The following GDA variants were observed in gnomAD, a reference collection of about 807,000 sequenced individuals.
The protein encoded by GDA is guanine deaminase.
A neutral mutation model predicts 59.6 loss-of-function variants in GDA; 18 were observed. The observed-to-expected ratio is 0.30, with a 90% confidence interval of 0.21 to 0.45. The LOEUF (loss-of-function observed/expected upper bound fraction) is 0.45, where lower values mean the gene tolerates loss of function less well. Among genes scored for constraint, GDA ranks in the 20% least tolerant of loss-of-function variants. GDA has a pLI of 1.00. For synonymous variants in GDA, 201 were observed against 201.1 expected (o/e 1.00, Z 0.00); for missense variants, 427 against 552.3 (o/e 0.77, Z 2.27).
chr9:72,131,945 G>A (rs1177318986), intron 1 of GDA, among the ~76,000 whole-genome samples: 2 of 152,194 alleles, frequency 1.3e-5, no homozygotes, highest in Non-Finnish European at 2.9e-5. Context: ...AATCATGACG[G>A]AAGGCAAGAA....
intron 1 of GDA, among the ~76,000 whole-genome samples, chr9:72,181,695 A>C (rs1362501325): frequency 6.6e-6 from 1 of 152,036 alleles, no homozygotes; most frequent in Non-Finnish European, 1.5e-5. Context: ...GATGGAGCAC[A>C]GTGGCGTGAT....
intron 1 of GDA, among the ~76,000 whole-genome samples, chr9:72,154,266 G>A (rs1827622044): frequency 6.6e-6 from 1 of 152,166 alleles, no homozygotes; most frequent in Admixed American, 6.5e-5. Flanking sequence ...CCACAGGTGA[G>A]ACCTAACCTG....
intron 3 of GDA, among the ~76,000 whole-genome samples, chr9:72,207,057 A>C (rs186312339): frequency 9.2e-5 from 14 of 152,024 alleles, no homozygotes; most frequent in African/African-American, 2.9e-4. Flanking sequence ...CTTTCTAGTT[A>C]ATTTTCTGGC....
At chr9:72,141,192 C>A (rs1826429003) in intron 1 of GDA, among the ~76,000 whole-genome samples, 1 of 152,134 alleles carries the variant, frequency 6.6e-6, no homozygotes, top group Non-Finnish European at 1.5e-5. Flanking sequence ...ACAAACCACA[C>A]TTCTAAAAGC....
At chr9:72,210,835 A>G (rs1029877860) in intron 4 of GDA, 61 bp downstream of exon 4, 3 of 1,031,330 alleles carry the variant, frequency 2.9e-6, no homozygotes, top group African/African-American at 3.1e-5. Flanking sequence ...CCATCGTGGC[A>G]AACAACTTAT....
chr9:72,212,133 A>G (rs1298686048), intron 4 of GDA, among the ~76,000 whole-genome samples: 3 of 152,202 alleles, frequency 2.0e-5, no homozygotes, highest in African/African-American at 7.2e-5. Context: ...TAGTGCTGAG[A>G]GCTGCTAGTA....
intron 11 of GDA, 144 bp downstream of exon 11, chr9:72,241,442 G>T: frequency 1.8e-6 from 1 of 559,906 alleles, no homozygotes; most frequent in Non-Finnish European, 3.1e-6. Flanking sequence ...CCAGAACTCA[G>T]CCAGTAAAGT....
chr9:72,164,449 G>C (rs1255740262), intron 1 of GDA, among the ~76,000 whole-genome samples: 1 of 152,188 alleles, frequency 6.6e-6, no homozygotes, highest in Non-Finnish European at 1.5e-5. Flanking sequence ...TCAGCACAGG[G>C]AGAGGGTGGC....
intron 1 of GDA, among the ~76,000 whole-genome samples, chr9:72,169,577 T>A (rs118098450): frequency 6.6e-6 from 1 of 152,336 alleles, no homozygotes; most frequent in East Asian, 1.9e-4. Flanking sequence ...CTTTGCAGGT[T>A]CGTATAAATT....
At chr9:72,131,664 A>C (rs116926027) in intron 1 of GDA, among the ~76,000 whole-genome samples, 12 of 108,224 alleles carry the variant, frequency 1.1e-4, no homozygotes, top group Non-Finnish European at 2.3e-4. Flanking sequence ...CACACACACA[A>C]ACACACACAC....
intron 3 of GDA, among the ~76,000 whole-genome samples, chr9:72,207,459 C>A (rs1834859795): frequency 6.6e-6 from 1 of 152,188 alleles, no homozygotes; most frequent in Admixed American, 6.5e-5. Flanking sequence ...CTGTCCTATT[C>A]ATCAAAGGAT....
At chr9:72,181,383 T>A (rs912255540) in intron 1 of GDA, among the ~76,000 whole-genome samples, 1 of 152,190 alleles carries the variant, frequency 6.6e-6, no homozygotes, top group African/African-American at 2.4e-5. Flanking sequence ...TGGAGTGCAG[T>A]GGCGCGATCT....
chr9:72,126,069 A>C (rs1825836388), intron 1 of GDA, among the ~76,000 whole-genome samples: 1 of 152,116 alleles, frequency 6.6e-6, no homozygotes, highest in South Asian at 2.1e-4. Flanking sequence ...GGCATGTGCC[A>C]CTACACCCGG....
At position 72,252,214 on chromosome 9, in the gene GDA, T is replaced by G. The variant is rs1028064197; in HGVS notation, c.*3872T>G. On this transcript the variant is annotated 3_prime_UTR_variant, in exon 14 of 14. Coordinates refer to ENST00000358399, the MANE Select transcript of GDA (RefSeq NM_004293.5). ...TCAGACAAAAATAAATGAGACTTTG[T>G]GTTTACGTTATTTTTTGTTGTGAGT... 5.2e-5 allele frequency: 8 copies of G among 152,618 alleles called. No individual in the cohort carries two copies. The highest frequency in any genetic ancestry group is 2.9e-5 in the Non-Finnish European group (2 of 68,036). The allele number at this position is 152,618 out of a possible 1,614,324, so 9.5% of individuals were successfully genotyped here. A position where few individuals can be genotyped will look rare whatever the true frequency, so the allele number is the denominator to read the frequency against.
At chr9:72,208,393 A>G (rs1251316629) in intron 3 of GDA, among the ~76,000 whole-genome samples, 1 of 152,242 alleles carries the variant, frequency 6.6e-6, no homozygotes, top group East Asian at 1.9e-4. Context: ...AGCTTCTGCT[A>G]AAGATATGCC....
chr9:72,138,569 CGCTGTTTCCATA>C (rs751017443), intron 1 of GDA, among the ~76,000 whole-genome samples: 2 of 152,200 alleles, frequency 1.3e-5, no homozygotes, highest in Non-Finnish European at 2.9e-5. Flanking sequence ...CTGCATTAAA[CGCTGTTTCCATA>C]GCAGTAAAGG....
intron 1 of GDA, among the ~76,000 whole-genome samples, chr9:72,155,103 C>T (rs1034467716): frequency 1.3e-5 from 2 of 152,148 alleles, no homozygotes; most frequent in African/African-American, 2.4e-5. Context: ...AGTCAATTTT[C>T]ACATTGGTGA....
intron 1 of GDA, among the ~76,000 whole-genome samples, chr9:72,142,497 C>T (rs1324003315): frequency 2.0e-5 from 3 of 150,856 alleles, no homozygotes; most frequent in East Asian, 4.0e-4. Context: ...GGTGTGAACT[C>T]GGGAGGCAGA....
chr9:72,115,624 G>A (rs1343319504), intron 1 of GDA, among the ~76,000 whole-genome samples: 1 of 152,216 alleles, frequency 6.6e-6, no homozygotes, highest in African/African-American at 2.4e-5. Context: ...GTATTTCCAA[G>A]TCAAGATTCA....
Sources: gnomAD v4.1 joint callset for allele counts (sites outside exome capture counted in the v4.1 genomes callset) on GRCh38, gnomAD v4.1.1 for gene constraint, MANE v1.5 for transcripts, NCBI Gene and HGNC (gene_info 2026-07-23, HGNC 2026-07-21) for gene names.